The following SRPK1 variants were observed in gnomAD, a reference collection of about 807,000 sequenced individuals.
The protein encoded by SRPK1 is SFRS protein kinase 1.
SRPK1 carries 52 observed loss-of-function variants against 89.5 expected under a neutral mutation model. That is an observed-to-expected ratio of 0.58 (90% CI 0.46 to 0.73). The LOEUF (loss-of-function observed/expected upper bound fraction) is 0.73. SRPK1 is among the 30% of genes least tolerant of loss of function. The probability of loss-of-function intolerance (pLI) is 0.00; values close to 1 mark genes in which losing one functional copy is unlikely to be tolerated. For synonymous variants in SRPK1, 255 were observed against 270.2 expected (o/e 0.94, Z 0.55); for missense variants, 603 against 780.6 (o/e 0.77, Z 2.71).
chr6:35,879,289 G>A (rs1021953074), intron 6 of SRPK1, among the ~76,000 whole-genome samples: 17 of 152,208 alleles, frequency 1.1e-4, no homozygotes, highest in Admixed American at 4.6e-4. Context: ...GCTCATGCAC[G>A]TAATCCCAGC....
intron 13 of SRPK1, among the ~76,000 whole-genome samples, chr6:35,845,269 G>A (rs1196861311): frequency 7.4e-6 from 1 of 135,342 alleles, no homozygotes; most frequent in Non-Finnish European, 1.6e-5. Flanking sequence ...GGTTAATAAT[G>A]ATGTGCCAAT....
At chr6:35,881,339 T>C (rs867041016) in intron 6 of SRPK1, among the ~76,000 whole-genome samples, 1 of 152,136 alleles carries the variant, frequency 6.6e-6, no homozygotes, top group Non-Finnish European at 1.5e-5. Flanking sequence ...CCTCTTTTTG[T>C]TTTCTACATG....
Position 35,870,484 on chromosome 6 carries a change from A to AT in SRPK1, c.787dup (p.Met263AsnfsTer5). The AT allele has an allele frequency of 6.4e-7, 1 of 1,550,972 alleles. No homozygotes were observed. The highest frequency in any genetic ancestry group is 8.7e-7 in the Non-Finnish European group (1 of 1,146,970). On this transcript the variant is annotated frameshift_variant, in exon 10 of 16. Coordinates refer to ENST00000373825, the MANE Select transcript of SRPK1 (RefSeq NM_003137.5). LOFTEE classifies it high-confidence loss of function. ...CAATTTCTTCTTCTTATTCTTTGAC[A>AT]TTTTGTCAGCCTGGGCGGAGATTAC... is the stretch of plus-strand genomic sequence containing the variant.
rs911721878 is a variant in SRPK1 at position 35,874,290 on chromosome 6, G to A, written c.528C>T (p.Ile176=). ...GAAGCCCCTGATAATTGGATTTGAT[G>A]ATCCACTTGAGCAGATGATGCCCCA... The part of the protein sequence containing the change: ...EVLGHHLLKW[I]IKSNYQGLPL... Residue 176 remains isoleucine, a synonymous_variant, in exon 7 of 16, where the codon ATC becomes ATT. Transcript: ENST00000373825. 1 of 1,613,322 alleles carries A rather than the reference G, an allele frequency of 6.2e-7. No homozygotes were observed. Among genetic ancestry groups the A allele is most frequent in the Non-Finnish European group, 8.5e-7 (1 of 1,179,688 alleles).
chr6:35,890,087 C>T (rs991310913), intron 3 of SRPK1, among the ~76,000 whole-genome samples: 18 of 151,984 alleles, frequency 1.2e-4, no homozygotes, highest in South Asian at 4.1e-4. Flanking sequence ...CCAGCCTGGG[C>T]GACAGAGCGA....
chr6:35,887,677 T>C (rs1256760713), intron 5 of SRPK1: 10 of 178,926 alleles, frequency 5.6e-5, no homozygotes, highest in Admixed American at 5.6e-4. Context: ...AAAGATGCTA[T>C]ACATTTATTT....
Position 35,870,922 on chromosome 6 carries a change from C to T in SRPK1, c.777+12G>A, listed in dbSNP as rs1315139067. The T allele has an allele frequency of 1.2e-6, 2 of 1,600,746 alleles. No homozygotes were observed. Among genetic ancestry groups the T allele is most frequent in the Non-Finnish European group, 1.7e-6 (2 of 1,170,924 alleles). ...TAGATCAAAATTAAATATAAAAACA[C>T]CTTATACTTACTGGTTTAGGCTGGG... On this transcript the variant is annotated intron_variant, in intron 9 of 15. Coordinates refer to ENST00000373825, the MANE Select transcript of SRPK1 (RefSeq NM_003137.5).
chr6:35,843,180 G>A (rs1283671899), intron 13 of SRPK1, among the ~76,000 whole-genome samples: 1 of 151,842 alleles, frequency 6.6e-6, no homozygotes, highest in East Asian at 1.9e-4. Flanking sequence ...GCGTTAGCCA[G>A]GATGTTCTCA....
chr6:35,885,296 CACAGAGAGAGAGAGAG>C (rs1441904131), intron 6 of SRPK1, among the ~76,000 whole-genome samples: 1 of 123,834 alleles, frequency 8.1e-6, no homozygotes, highest in Non-Finnish European at 1.8e-5. Context: ...CACACACACA[CACAGAGAGAGAGAGAG>C]AGAGAGAGAG....
At chr6:35,904,505 T>C (rs1770807641) in intron 2 of SRPK1, among the ~76,000 whole-genome samples, 2 of 152,182 alleles carry the variant, frequency 1.3e-5, no homozygotes, top group South Asian at 4.1e-4. Flanking sequence ...CAATGGTTTT[T>C]AAATAAAGTC....
intron 14 of SRPK1, among the ~76,000 whole-genome samples, chr6:35,840,764 G>C (rs1442738875): frequency 1.3e-5 from 2 of 152,174 alleles, no homozygotes; most frequent in Non-Finnish European, 2.9e-5. Context: ...CACTAGTCAG[G>C]GGTAAGGGTT....
Position 35,835,504 on chromosome 6 carries a change from T to A in SRPK1, c.1784-16A>T, listed in dbSNP as rs200816385. The A allele has an allele frequency of 6.9e-4, 1,107 of 1,600,730 alleles. 3 individuals carry two copies. Among genetic ancestry groups the A allele is most frequent in the Middle Eastern group, 5.5e-3 (33 of 6,016 alleles). ...TTCAGGTCACCTGCAGTGAAGACAG[T>A]ACAGAAAAAGCCACTGATCAACACA... On this transcript the variant is annotated splice_polypyrimidine_tract_variant and intron_variant, in intron 15 of 15. Coordinates refer to ENST00000373825, the MANE Select transcript of SRPK1 (RefSeq NM_003137.5).
chr6:35,888,850 T>C lies in SRPK1; in HGVS notation c.267A>G (p.Gly89=). Residue 89 remains glycine (G), a synonymous_variant, in exon 4 of 16, where the codon GGA becomes GGG. Transcript: ENST00000373825. ...ATGATAACCATACTGTTGAAAAGTG[T>C]CCCCAGCCTAACTTTCGGATCACAT... is the stretch of plus-strand genomic sequence containing the variant. ...RYHVIRKLGW[G]HFSTVWLSWD... is the part of the protein sequence containing the mutation. 6.2e-7 allele frequency: 1 copy of C among 1,613,018 alleles called. No individual in the cohort carries two copies. Among genetic ancestry groups the C allele is most frequent in the Non-Finnish European group, 8.5e-7 (1 of 1,179,186 alleles).
chr6:35,878,908 T>C (rs1770216505), intron 6 of SRPK1, among the ~76,000 whole-genome samples: 1 of 151,962 alleles, frequency 6.6e-6, no homozygotes, highest in South Asian at 2.1e-4. Flanking sequence ...CTGGCAAACA[T>C]GGTGAAACGC....
intron 2 of SRPK1, among the ~76,000 whole-genome samples, chr6:35,908,456 C>T (rs1057490316): frequency 6.6e-6 from 1 of 152,162 alleles, no homozygotes; most frequent in African/African-American, 2.4e-5. Flanking sequence ...TCTGCCCCTG[C>T]CCTAGAGATC....
intron 3 of SRPK1, among the ~76,000 whole-genome samples, chr6:35,889,149 T>C (rs1029031378): frequency 2.6e-5 from 4 of 152,186 alleles, no homozygotes; most frequent in Non-Finnish European, 5.9e-5. Flanking sequence ...TGATTTAGAT[T>C]GAGCCTACAA....
Position 35,869,001 on chromosome 6 carries a change from T to A in SRPK1, c.1512+9A>T. ...ACTTCAAAACACCATTAAGGCAAGTTTAACTTACCACCCAACAAGCATTTC... is the reference window on the plus strand; with the variant it reads ...ACTTCAAAACACCATTAAGGCAAGTATAACTTACCACCCAACAAGCATTTC... On this transcript the variant is annotated intron_variant, in intron 12 of 15. Transcript: ENST00000373825. The A allele has an allele frequency of 6.2e-7, 1 of 1,611,974 alleles. No homozygotes were observed. Among genetic ancestry groups the A allele is most frequent in the Non-Finnish European group, 8.5e-7 (1 of 1,178,906 alleles).
intron 13 of SRPK1, among the ~76,000 whole-genome samples, chr6:35,844,004 A>AG (rs1769374154): frequency 7.6e-6 from 1 of 131,752 alleles, no homozygotes; most frequent in Non-Finnish European, 1.6e-5. Context: ...ACACAACAGC[A>AG]GTTTTTTTTT....
intron 2 of SRPK1, 129 bp downstream of exon 2, chr6:35,920,339 G>T: frequency 1.0e-6 from 1 of 959,332 alleles, no homozygotes; most frequent in Non-Finnish European, 1.7e-6. Context: ...GACCCTCCGA[G>T]CTGCCCCGAG....
Sources: gnomAD v4.1 joint callset for allele counts (sites outside exome capture counted in the v4.1 genomes callset) on GRCh38, gnomAD v4.1.1 for gene constraint, MANE v1.5 for transcripts, NCBI Gene and HGNC (gene_info 2026-07-23, HGNC 2026-07-21) for gene names.